The following WDR6 variants were observed in gnomAD, a reference collection of about 807,000 sequenced individuals.
The protein encoded by WDR6 is tRNA (34-2'-O)-methyltransferase regulator WDR6.
WDR6 carries 58 observed loss-of-function variants against 85.6 expected under a neutral mutation model. The observed-to-expected ratio is 0.68, with a 90% confidence interval of 0.55 to 0.84. WDR6 has a LOEUF of 0.84. Among genes scored for constraint, WDR6 ranks in the 40% least tolerant of loss-of-function variants. WDR6 has a pLI of 0.00. For synonymous variants in WDR6, 569 were observed against 582.2 expected (o/e 0.98, Z 0.33); for missense variants, 1,310 against 1,476.4 (o/e 0.89, Z 1.85).
rs2093028954 is a variant in WDR6, at chr3:49,013,395, A to G, written c.1861A>G (p.Ile621Val). ...CATGAACTGGCTAGCTGGGCTCCGT[A>G]TAGTGCCCGATGGGAGCATGGTTAT... ...RGMNWLAGLRIVPDGSMVILG... is the reference protein window; with the variant it reads ...RGMNWLAGLRVVPDGSMVILG... The change falls in exon 2 of 6, where the codon ATA (isoleucine) becomes GTA (valine). Residue 621 changes from isoleucine to valine, a missense_variant. By Grantham distance (29) the Ile-to-Val change is conservative (BLOSUM62 3). Coordinates refer to ENST00000608424, the MANE Select transcript of WDR6 (RefSeq NM_018031.6). This position sits in a 1 kb window ranked among gnomAD's most constrained non-coding sequence, Gnocchi z 4.6. The G allele has an allele frequency of 1.2e-6, 2 of 1,614,198 alleles. No homozygotes were observed. Among genetic ancestry groups the G allele is most frequent in the South Asian group, 1.1e-5 (1 of 91,090 alleles).
rs971890019 is a variant in WDR6, at chr3:49,010,114, G to A, written c.101-1521G>A. On this transcript the variant is annotated intron_variant, in intron 1 of 5. Transcript: ENST00000608424. ...TTTGTGGTTGAAGTGAACATCAAGC[G>A]TGACTGATGAGGCTGGGCGCGGTGG... 7.2e-5 allele frequency among the ~76,000 whole-genome samples: 11 copies of A among 152,116 alleles called. No homozygotes were observed. In the South Asian group the frequency reaches 1.0e-3, roughly 14 times the overall value.
chr3:49,011,603 T>C (rs1372568876), intron 1 of WDR6, 32 bp from the exon 2 acceptor site: 15 of 1,611,938 alleles, frequency 9.3e-6, no homozygotes, highest in Non-Finnish European at 1.2e-5. Flanking sequence ...GTTAGGTACC[T>C]AGCTCTGACA....
rs750505346 is a variant in WDR6, at chr3:49,013,761, G to A, written c.2227G>A (p.Val743Met). 2.5e-6 allele frequency: 4 copies of A among 1,613,986 alleles called. No homozygotes were observed. The highest frequency in any genetic ancestry group is 3.4e-6 in the Non-Finnish European group (4 of 1,179,984). The change falls in exon 2 of 6, where the codon GTG becomes ATG. Residue 743 changes from valine (V) to methionine (M), a missense_variant. Coordinates refer to ENST00000608424, the MANE Select transcript of WDR6 (RefSeq NM_018031.6). The surrounding 1 kb of genome is among the most constrained non-coding windows in gnomAD (Gnocchi z 4.6). ...GSEGPDLTDI[V>M]ITCSEDTTVC... ...TGAGGGGCCCGACTTGACTGACATTGTGATCACATGTAGTGAGGACACTAC... is the reference window on the plus strand; with the variant it reads ...TGAGGGGCCCGACTTGACTGACATTATGATCACATGTAGTGAGGACACTAC...
chr3:49,009,876 C>T (rs920338030), intron 1 of WDR6, among the ~76,000 whole-genome samples: 13 of 151,856 alleles, frequency 8.6e-5, no homozygotes, highest in East Asian at 5.8e-4. Context: ...TACAGGCATG[C>T]GCCATTATGC....
At position 49,014,966 on chromosome 3, in the gene WDR6, A is replaced by G. The variant is rs1434798561; in HGVS notation, c.3044A>G (p.Glu1015Gly). ...CTCCATGTCTTCGTGCTTGCTGTGG[A>G]GATGCTACAGCTAGAAGAGGCTGTG... ...GSLHVFVLAV[E>G]MLQLEEAVGE... Residue 1015 changes from glutamate (E) to glycine (G), a missense_variant, in exon 6 of 6, where the codon GAG (glutamate) becomes GGG (glycine). Transcript: ENST00000608424. The surrounding 1 kb of genome is among the most constrained non-coding windows in gnomAD (Gnocchi z 4.9). 1 of 1,613,874 alleles carries G rather than the reference A, an allele frequency of 6.2e-7. No individual in the cohort carries two copies. The highest frequency in any genetic ancestry group is 8.5e-7 in the Non-Finnish European group (1 of 1,179,974).
In WDR6 at chr3:49,013,099, C is replaced by G. The variant is rs776867229; in HGVS notation, c.1565C>G (p.Pro522Arg). Residue 522 changes from proline (P) to arginine (R), a missense_variant, in exon 2 of 6, where the codon CCA (proline) becomes CGA (arginine). Coordinates refer to ENST00000608424, the MANE Select transcript of WDR6 (RefSeq NM_018031.6). The surrounding 1 kb of genome is among the most constrained non-coding windows in gnomAD (Gnocchi z 4.6). Reference sequence around the variant, plus strand: ...TCTGTGCTGCTATTCCCCTCCAGACCAGGTCTGCTCAAGGACCCTGGGGTG... The same window carrying G: ...TCTGTGCTGCTATTCCCCTCCAGACGAGGTCTGCTCAAGGACCCTGGGGTG... ...RGSVLLFPSR[P>R]GLLKDPGVGG... The G allele has an allele frequency of 1.9e-6, 3 of 1,609,286 alleles. No homozygotes were observed. The African/African-American group carries it at 4.0e-5, about 22-fold the overall frequency.
In WDR6 at chr3:49,007,777, G is replaced by A. The variant is rs1203939694; in HGVS notation, c.100+246G>A. On this transcript the variant is annotated intron_variant, in intron 1 of 5. Transcript: ENST00000608424. The surrounding 1 kb of genome is among the most constrained non-coding windows in gnomAD (Gnocchi z 5.1). ...TCATAAACTTCAGCCCGCGTGGAAAGGGCGGGTGGAACCGCGGGAGGGTGC... is the reference window on the plus strand; with the variant it reads ...TCATAAACTTCAGCCCGCGTGGAAAAGGCGGGTGGAACCGCGGGAGGGTGC... 3 of 1,122,282 alleles carry A rather than the reference G, an allele frequency of 2.7e-6. No homozygotes were observed. Among genetic ancestry groups the A allele is most frequent in the African/African-American group, 1.6e-5 (1 of 62,642 alleles). 69.5% of individuals were successfully genotyped at this position (1,122,282 alleles called of 1,614,324 possible). A position where few individuals can be genotyped will look rare whatever the true frequency, so the allele number is the denominator to read the frequency against.
Position 49,007,743 on chromosome 3 carries a change from C to T in WDR6, c.100+212C>T. On this transcript the variant is annotated intron_variant, in intron 1 of 5. Coordinates refer to ENST00000608424, the MANE Select transcript of WDR6 (RefSeq NM_018031.6). The surrounding 1 kb of genome is among the most constrained non-coding windows in gnomAD (Gnocchi z 5.1). Reference sequence around the variant, plus strand: ...CGAGAGACAAAGCTGATGTGGCCGCCGCGGCGCTTCATAAACTTCAGCCCG... The same window carrying T: ...CGAGAGACAAAGCTGATGTGGCCGCTGCGGCGCTTCATAAACTTCAGCCCG... 2.4e-6 allele frequency: 3 copies of T among 1,235,420 alleles called. No individual in the cohort carries two copies. The highest frequency in any genetic ancestry group is 3.1e-6 in the Non-Finnish European group (3 of 966,686). 76.5% of individuals were successfully genotyped at this position (1,235,420 alleles called of 1,614,324 possible). A position where few individuals can be genotyped will look rare whatever the true frequency, so the allele number is the denominator to read the frequency against.
chr3:49,015,576 G>C lies in WDR6; in HGVS notation c.*288G>C, dbSNP rs1239895631. 6 of 1,613,784 alleles carry C rather than the reference G, an allele frequency of 3.7e-6. No individual in the cohort carries two copies. The highest frequency in any genetic ancestry group is 5.1e-6 in the Non-Finnish European group (6 of 1,179,826). ...TTTGTGAACATTCCCAGGTATTGGA[G>C]CCTCTGTGGCCTTAAATGTGGCTCA... On this transcript the variant is annotated 3_prime_UTR_variant, in exon 6 of 6. Coordinates refer to ENST00000608424, the MANE Select transcript of WDR6 (RefSeq NM_018031.6).
rs747178295 is a variant in WDR6 at position 49,011,738 on chromosome 3, C to T, written c.204C>T (p.Phe68=). The T allele has an allele frequency of 1.9e-6, 3 of 1,614,190 alleles. No individual in the cohort carries two copies. The highest frequency in any genetic ancestry group is 2.5e-6 in the Non-Finnish European group (3 of 1,180,048). ...TTGGCCACTATCTTATCCATGGCTT[C>T]CGGGTACGGCCAGAGCCTAATGGAG... ...NLLGHYLIHG[F]RVRPEPNGDL... is the part of the protein sequence containing the mutation. The change falls in exon 2 of 6, where the codon TTC becomes TTT. Residue 68 remains phenylalanine, a synonymous_variant. Transcript: ENST00000608424.
At position 49,014,099 on chromosome 3, in the gene WDR6, G is replaced by A; in HGVS notation, c.2565G>A (p.Lys855=). Residue 855 remains lysine, a synonymous_variant, in exon 2 of 6, where the codon AAG becomes AAA. Coordinates refer to ENST00000608424, the MANE Select transcript of WDR6 (RefSeq NM_018031.6). The surrounding 1 kb of genome is among the most constrained non-coding windows in gnomAD (Gnocchi z 4.9). ...AACGCAATCGGCATCGGATGGTTAA[G>A]GTAGACCCAGAGACCAGGTAATATA... The part of the protein sequence containing the change: ...DRQRNRHRMV[K]VDPETRYMSL... 6.2e-7 allele frequency: 1 copy of A among 1,613,314 alleles called. No homozygotes were observed. The highest frequency in any genetic ancestry group is 1.3e-5 in the African/African-American group (1 of 75,040).
Position 49,007,490 on chromosome 3 carries a change from C to T in WDR6, c.59C>T (p.Pro20Leu). 6.2e-7 allele frequency: 1 copy of T among 1,610,534 alleles called. No individual in the cohort carries two copies. Among genetic ancestry groups the T allele is most frequent in the Non-Finnish European group, 8.5e-7 (1 of 1,177,322 alleles). ...PRATSELILLPVTGLECVGDR... is the reference protein window; with the variant it reads ...PRATSELILLLVTGLECVGDR... The stretch of plus-strand genomic sequence containing the variant: ...GCAACCTCGGAGCTTATACTCCTCC[C>T]AGTGACGGGTCTGGAGTGCGTGGGG... Residue 20 changes from proline (P) to leucine (L), a missense_variant, in exon 1 of 6, where the codon CCA (proline) becomes CTA (leucine). Coordinates refer to ENST00000608424, the MANE Select transcript of WDR6 (RefSeq NM_018031.6). The surrounding 1 kb of genome is among the most constrained non-coding windows in gnomAD (Gnocchi z 5.1).
At position 49,014,951 on chromosome 3, in the gene WDR6, T is replaced by C. The variant is rs748398057; in HGVS notation, c.3029T>C (p.Phe1010Ser). The C allele has an allele frequency of 6.2e-7, 1 of 1,614,154 alleles. No homozygotes were observed. The highest frequency in any genetic ancestry group is 8.5e-7 in the Non-Finnish European group (1 of 1,180,016). ...SGSEDGSLHV[F>S]VLAVEMLQLE... Reference sequence around the variant, plus strand: ...AGTGAAGATGGATCCCTCCATGTCTTCGTGCTTGCTGTGGAGATGCTACAG... The same window carrying C: ...AGTGAAGATGGATCCCTCCATGTCTCCGTGCTTGCTGTGGAGATGCTACAG... The change falls in exon 6 of 6, where the codon TTC (phenylalanine) becomes TCC (serine). Residue 1010 changes from phenylalanine (F) to serine (S), a missense_variant. Physicochemically the swap from Phe to Ser is radical, Grantham distance 155. Coordinates refer to ENST00000608424, the MANE Select transcript of WDR6 (RefSeq NM_018031.6). This position sits in a 1 kb window ranked among gnomAD's most constrained non-coding sequence, Gnocchi z 4.9.
rs752417713 is a variant in WDR6, at chr3:49,014,903, G to A, written c.2981G>A (p.Gly994Asp). The A allele has an allele frequency of 6.2e-7, 1 of 1,614,006 alleles. No homozygotes were observed. The highest frequency in any genetic ancestry group is 1.7e-5 in the Admixed American group (1 of 60,028). Reference sequence around the variant, plus strand: ...CTGCACACCTTGCCCACCCGTGAGGGCCACCATCTCGTGGCCAGTGGCAGT... The same window carrying A: ...CTGCACACCTTGCCCACCCGTGAGGACCACCATCTCGTGGCCAGTGGCAGT... ...NSLHTLPTRE[G>D]HHLVASGSED... The change falls in exon 6 of 6, where the codon GGC becomes GAC. Residue 994 changes from glycine to aspartate, a missense_variant. Coordinates refer to ENST00000608424, the MANE Select transcript of WDR6 (RefSeq NM_018031.6). This position sits in a 1 kb window ranked among gnomAD's most constrained non-coding sequence, Gnocchi z 4.9.
In WDR6 at chr3:49,014,405, G is replaced by T; in HGVS notation, c.2689G>T (p.Gly897Trp). The change falls in exon 4 of 6, where the codon GGG (glycine) becomes TGG (tryptophan). Residue 897 changes from glycine to tryptophan, a missense_variant. Transcript: ENST00000608424. This position sits in a 1 kb window ranked among gnomAD's most constrained non-coding sequence, Gnocchi z 4.9. ...AVRLFLLQDS[G>W]RILQLLAETF... ...CAGGCTCTTTCTTTTGCAGGATTCTGGGCGGATTCTGCAGCTCCTTGCTGA... is the reference window on the plus strand; with the variant it reads ...CAGGCTCTTTCTTTTGCAGGATTCTTGGCGGATTCTGCAGCTCCTTGCTGA... 6.2e-7 allele frequency: 1 copy of T among 1,614,100 alleles called. No homozygotes were observed. The highest frequency in any genetic ancestry group is 1.3e-5 in the African/African-American group (1 of 75,020).
chr3:49,011,361 G>C (rs2093013488), intron 1 of WDR6: 1 of 1,167,482 alleles, frequency 8.6e-7, no homozygotes, highest in Non-Finnish European at 1.2e-6. Flanking sequence ...TTACAGGCGT[G>C]AGCCACCGTG....
rs377080498 is a variant in WDR6, at chr3:49,012,750, G to A, written c.1216G>A (p.Gly406Arg). ...LEAAPGPEGF[G>R]LCAMANGEGR... ...GGCAGCTCCTGGTCCCGAGGGCTTC[G>A]GATTGTGTGCTATGGCCAATGGGGA... is the stretch of plus-strand genomic sequence containing the variant. The change falls in exon 2 of 6, where the codon GGA becomes AGA. Residue 406 changes from glycine to arginine, a missense_variant. Coordinates refer to ENST00000608424, the MANE Select transcript of WDR6 (RefSeq NM_018031.6). This position sits in a 1 kb window ranked among gnomAD's most constrained non-coding sequence, Gnocchi z 4.4. 5.5e-5 allele frequency: 88 copies of A among 1,613,820 alleles called. No homozygotes were observed. Among genetic ancestry groups the A allele is most frequent in the Non-Finnish European group, 7.1e-5 (84 of 1,180,004 alleles).
At position 49,007,962 on chromosome 3, in the gene WDR6, C is replaced by G. The variant is rs2092993299; in HGVS notation, c.100+431C>G. 1 of 159,180 alleles carries G rather than the reference C, an allele frequency of 6.3e-6. No homozygotes were observed. The highest frequency in any genetic ancestry group is 1.6e-4 in the South Asian group (1 of 6,248). The allele number at this position is 159,180 out of a possible 1,614,324, so 9.9% of individuals were successfully genotyped here. Reference sequence around the variant, plus strand: ...GAGGAGGAGGAGGAGGAGGCGGAGGCGGCCCCGGCCCCTCAGGGGGTGTGG... The same window carrying G: ...GAGGAGGAGGAGGAGGAGGCGGAGGGGGCCCCGGCCCCTCAGGGGGTGTGG... On this transcript the variant is annotated intron_variant, in intron 1 of 5. Coordinates refer to ENST00000608424, the MANE Select transcript of WDR6 (RefSeq NM_018031.6). The surrounding 1 kb of genome is among the most constrained non-coding windows in gnomAD (Gnocchi z 5.1).
In WDR6 at chr3:49,007,714, G is replaced by T; in HGVS notation, c.100+183G>T. 1 of 1,304,052 alleles carries T rather than the reference G, an allele frequency of 7.7e-7. No individual in the cohort carries two copies. Among genetic ancestry groups the T allele is most frequent in the South Asian group, 2.1e-5 (1 of 47,642 alleles). The allele number at this position is 1,304,052 out of a possible 1,614,324, so 80.8% of individuals were successfully genotyped here. The stretch of plus-strand genomic sequence containing the variant: ...ACGAGGGCCAACCTGAAGAGGGCGG[G>T]GCCCGAGAGACAAAGCTGATGTGGC... On this transcript the variant is annotated intron_variant, in intron 1 of 5. Transcript: ENST00000608424. This position sits in a 1 kb window ranked among gnomAD's most constrained non-coding sequence, Gnocchi z 5.1.
Sources: gnomAD v4.1 joint callset for allele counts (sites outside exome capture counted in the v4.1 genomes callset) on GRCh38, gnomAD v4.1.1 for gene constraint, Gnocchi (gnomAD v3.1) non-coding constraint, MANE v1.5 for transcripts, NCBI Gene and HGNC (gene_info 2026-07-23, HGNC 2026-07-21) for gene names.